ATG2B: variants seen among roughly 807,000 people sequenced by gnomAD.
The protein encoded by ATG2B is autophagy related 2B, also known as autophagy-related protein 2 homolog B.
Under a neutral mutation model 241.3 loss-of-function variants are expected in ATG2B, and 121 were observed. The ratio of observed to expected loss-of-function variants is 0.50; its 90% CI spans 0.43 to 0.58. The LOEUF is 0.58. Ranked by LOEUF, ATG2B falls within the 20% of genes least tolerant of loss-of-function variation. The probability of loss-of-function intolerance (pLI) is 0.00; values close to 1 mark genes in which losing one functional copy is unlikely to be tolerated. For synonymous variants in ATG2B, 858 were observed against 876.6 expected, an observed-to-expected ratio of 0.98 and a Z score of 0.37; for missense variants, 2,306 against 2,491.6, an observed-to-expected ratio of 0.93 and a Z score of 1.59.
At chr14:96,350,703 T>C (rs1888291574) in intron 1 of ATG2B, among the ~76,000 whole-genome samples, 1 of 152,256 alleles carries the variant, frequency 6.6e-6, no homozygotes, top group Admixed American at 6.5e-5. Flanking sequence ...TGTTGAATAG[T>C]GAGACTTGAT....
chr14:96,329,409 CATTGCCTCAT>C, intron 12 of ATG2B, 65 bp downstream of exon 12: 10 of 1,034,142 alleles, frequency 9.7e-6, no homozygotes, highest in Non-Finnish European at 1.4e-5. Flanking sequence ...TAAAGAAAAT[CATTGCCTCAT>C]ACAATCATTA....
At position 96,294,996 on chromosome 14, in the gene ATG2B, T is replaced by A. The variant is rs772105362; in HGVS notation, c.5390A>T (p.Glu1797Val). The A allele has an allele frequency of 1.2e-6, 2 of 1,614,222 alleles. No individual in the cohort carries two copies. Among genetic ancestry groups the A allele is most frequent in the Admixed American group, 3.3e-5 (2 of 60,032 alleles). Reference protein sequence around the residue: ...NGMEEKNFSAEEASFRDQPVF... With the variant: ...NGMEEKNFSAVEASFRDQPVF... ...AGGCTGATCCCTAAAAGATGCTTCT[T>A]CAGCAGAGAAGTTCTTCTCTTCCAT... Residue 1797 changes from glutamate to valine, a missense_variant, in exon 36 of 42, where the codon GAA becomes GTA. By Grantham distance (121) the Glu-to-Val change is moderately radical. Coordinates refer to ENST00000359933, the MANE Select transcript of ATG2B (RefSeq NM_018036.7).
chr14:96,302,148 T>A, intron 33 of ATG2B, 40 bp from the exon 34 acceptor site: 3 of 1,226,400 alleles, frequency 2.4e-6, no homozygotes, highest in Non-Finnish European at 3.6e-6. Context: ...TCCCCAATAA[T>A]ATGATGACCT....
At chr14:96,307,576 T>A (rs1886987203) in intron 29 of ATG2B, among the ~76,000 whole-genome samples, 1 of 152,200 alleles carries the variant, frequency 6.6e-6, no homozygotes. Context: ...GAATTTCACC[T>A]TTGACAATTC....
chr14:96,317,157 G>C lies in ATG2B; in HGVS notation c.3198C>G (p.Phe1066Leu). The change falls in exon 20 of 42, where the codon TTC becomes TTG. Residue 1066 changes from phenylalanine to leucine, a missense_variant. By Grantham distance (22) the Phe-to-Leu change is conservative. Around this residue, in one of 2 missense-constraint regions of ATG2B, gnomAD observed 1,927 missense variants for 2,011.2 expected, o/e 0.96. Transcript: ENST00000359933. ...LNINHGLIAV[F>L]TDVKQDNGDL... is the part of the protein sequence containing the mutation. ...TTGTAAACCTCACCTTCACATCTGT[G>C]AACACTGCTATTAATCCATGATTAA... 1.2e-6 allele frequency: 2 copies of C among 1,610,886 alleles called. No homozygotes were observed. Among genetic ancestry groups the C allele is most frequent in the Non-Finnish European group, 1.7e-6 (2 of 1,178,668 alleles).
chr14:96,331,414 T>A lies in ATG2B; in HGVS notation c.1692A>T (p.Arg564=). The change falls in exon 11 of 42, where the codon CGA becomes CGT. Residue 564 remains arginine (R), a synonymous_variant. Coordinates refer to ENST00000359933, the MANE Select transcript of ATG2B (RefSeq NM_018036.7). ...GTGAGCAAGCTTCTGCAAACACTGCTCGGAAAGACTTAAAATCTTCTGTTG... is the reference window on the plus strand; with the variant it reads ...GTGAGCAAGCTTCTGCAAACACTGCACGGAAAGACTTAAAATCTTCTGTTG... ...RFSTEDFKSF[R]AVFAEACSHD... is the part of the protein sequence containing the mutation. The A allele has an allele frequency of 6.2e-7, 1 of 1,614,058 alleles. No homozygotes were observed. Among genetic ancestry groups the A allele is most frequent in the Non-Finnish European group, 8.5e-7 (1 of 1,179,980 alleles).
rs1887760995 is a variant in ATG2B at position 96,332,380 on chromosome 14, G to T, written c.1393C>A (p.His465Asn). Residue 465 changes from histidine to asparagine, a missense_variant, in exon 10 of 42, where the codon CAT becomes AAT. Coordinates refer to ENST00000359933, the MANE Select transcript of ATG2B (RefSeq NM_018036.7). ...CCTCTTACTGGCTGTTCTTTATGAT[G>T]ATCAAGGAACTCTCCCCAAGTGGGC... ...LQPTWGEFLD[H>N]HKEQPVRGST... 1.9e-6 allele frequency: 3 copies of T among 1,613,764 alleles called. No individual in the cohort carries two copies. The highest frequency in any genetic ancestry group is 2.5e-6 in the Non-Finnish European group (3 of 1,179,744).
intron 37 of ATG2B, 145 bp from the exon 38 acceptor site, chr14:96,291,827 C>T: frequency 1.6e-6 from 1 of 623,554 alleles, no homozygotes; most frequent in Non-Finnish European, 2.7e-6. Context: ...ATATATCTTA[C>T]AATACATATG....
intron 1 of ATG2B, among the ~76,000 whole-genome samples, chr14:96,352,791 TG>T (rs899255151): frequency 3.3e-5 from 5 of 150,960 alleles, no homozygotes; most frequent in African/African-American, 1.2e-4. Flanking sequence ...AACTTATTAT[TG>T]AAAAAAAAAA....
chr14:96,294,355 AAAAG>A (rs1886571993), intron 36 of ATG2B, among the ~76,000 whole-genome samples: 1 of 152,212 alleles, frequency 6.6e-6, no homozygotes, highest in South Asian at 2.1e-4. Context: ...CCAGTTTTGG[AAAAG>A]AAAGAAGATG....
rs1886261579 is a variant in ATG2B, at chr14:96,283,684, C to T, written c.*2071G>A. ...CACAACACCAAAGTCTGAAAAGACA[C>T]TTGTAAAAAAGAAAAAGCTTAAGGA... On this transcript the variant is annotated 3_prime_UTR_variant, in exon 42 of 42. Coordinates refer to ENST00000359933, the MANE Select transcript of ATG2B (RefSeq NM_018036.7). 1 of 152,154 alleles carries T rather than the reference C, an allele frequency of 6.6e-6. No individual in the cohort carries two copies. Among genetic ancestry groups the T allele is most frequent in the Non-Finnish European group, 1.5e-5 (1 of 68,032 alleles). 9.4% of individuals were successfully genotyped at this position (152,154 alleles called of 1,614,324 possible).
intron 1 of ATG2B, among the ~76,000 whole-genome samples, chr14:96,347,589 C>T (rs566838293): frequency 6.4e-4 from 98 of 152,178 alleles, no homozygotes; most frequent in African/African-American, 2.3e-3. Context: ...CTATCTGACC[C>T]AGGATTACTA....
At chr14:96,312,689 G>A (rs750924237) in intron 25 of ATG2B, among the ~76,000 whole-genome samples, 1 of 152,150 alleles carries the variant, frequency 6.6e-6, no homozygotes, top group Non-Finnish European at 1.5e-5. Context: ...GTTGAAAGCT[G>A]TAATAAGCTG....
At chr14:96,329,367 C>A in intron 12 of ATG2B, 117 bp downstream of exon 12, 1 of 622,730 alleles carries the variant, frequency 1.6e-6, no homozygotes, top group Non-Finnish European at 2.6e-6. Context: ...AAGAAAATGA[C>A]AATATTCCTC....
At position 96,313,124 on chromosome 14, in the gene ATG2B, G is replaced by T. The variant is rs200247974; in HGVS notation, c.3783C>A (p.Thr1261=). Residue 1261 remains threonine (T), a synonymous_variant, in exon 25 of 42, where the codon ACC becomes ACA. Transcript: ENST00000359933. ...PLYLPIRSLL[T]VETFSVSSSV... is the part of the protein sequence containing the mutation. ...TACTGGAAACACTGAATGTTTCCAC[G>T]GTAAGAAGAGATCGGATTGGCAAAT... 2 of 1,613,464 alleles carry T rather than the reference G, an allele frequency of 1.2e-6. No individual in the cohort carries two copies. The highest frequency in any genetic ancestry group is 4.5e-5 in the East Asian group (2 of 44,792).
intron 18 of ATG2B, among the ~76,000 whole-genome samples, chr14:96,320,611 A>T (rs1247747622): frequency 6.6e-6 from 1 of 152,210 alleles, no homozygotes; most frequent in Non-Finnish European, 1.5e-5. Context: ...CTGTATTTAG[A>T]AATGAAGTGG....
At chr14:96,344,115 T>C (rs1042629219) in intron 4 of ATG2B, among the ~76,000 whole-genome samples, 4 of 152,248 alleles carry the variant, frequency 2.6e-5, no homozygotes, top group African/African-American at 9.6e-5. Context: ...CAGCTATGTA[T>C]AAGAGCTTCA....
intron 30 of ATG2B, among the ~76,000 whole-genome samples, chr14:96,306,377 T>A (rs2139851361): frequency 1.3e-5 from 2 of 152,176 alleles, no homozygotes; most frequent in East Asian, 3.9e-4. Context: ...ACAAACCACA[T>A]CTTATCTTTC....
chr14:96,359,531 C>T (rs1399242209), intron 1 of ATG2B, among the ~76,000 whole-genome samples: 2 of 152,036 alleles, frequency 1.3e-5, no homozygotes, highest in African/African-American at 2.4e-5. Context: ...TGTACTGAAT[C>T]GATTAATGAA....
Sources: allele counts gnomAD v4.1 joint callset (sites outside exome capture counted in the v4.1 genomes callset), GRCh38; gene constraint gnomAD v4.1.1; regional missense constraint gnomAD v4.1.1; transcripts MANE v1.5; gene names NCBI Gene and HGNC (gene_info 2026-07-23, HGNC 2026-07-21).